Variants in RANGAP1 observed in about 807,000 individuals in gnomAD.
RANGAP1 encodes Ran GTPase activating protein 1, also known as ran GTPase-activating protein 1.
Under a neutral mutation model 63.5 loss-of-function variants are expected in RANGAP1, and 38 were observed. The observed-to-expected ratio is 0.60, with a 90% CI of 0.46 to 0.78. The LOEUF is 0.78. RANGAP1 is among the 30% of genes least tolerant of loss of function. The probability of loss-of-function intolerance (pLI) is 0.00; values close to 1 mark genes in which losing one functional copy is unlikely to be tolerated. For synonymous variants in RANGAP1, 329 were observed against 310.5 expected (o/e 1.06, Z -0.63); for missense variants, 630 against 740.3 (o/e 0.85, Z 1.73).
In RANGAP1 at chr22:41,262,398, C is replaced by T. The variant is rs191390480; in HGVS notation, c.481-818G>A. ...ATGTTTGCAGAGCACCTGCTAGGGC[C>T]TGGGCATCCTTGGCATATTTTCTTG... is the stretch of plus-strand genomic sequence containing the variant. On this transcript the variant is annotated intron_variant, in intron 5 of 15. Coordinates refer to ENST00000356244, the MANE Select transcript of RANGAP1 (RefSeq NM_002883.4). 1.6e-4 allele frequency among the ~76,000 whole-genome samples: 25 copies of T among 152,194 alleles called. No homozygotes were observed. In the East Asian group the frequency reaches 4.6e-3, roughly 28 times the overall value.
chr22:41,251,145 C>A, intron 12 of RANGAP1, 36 bp from the exon 13 acceptor site: 1 of 1,566,426 alleles, frequency 6.4e-7, no homozygotes, highest in South Asian at 1.1e-5. Context: ...GCCTGTGGCA[C>A]GTGGTGGAGA....
intron 15 of RANGAP1, among the ~76,000 whole-genome samples, chr22:41,247,310 C>G (rs1316991207): frequency 6.6e-6 from 1 of 152,130 alleles, no homozygotes; most frequent in Non-Finnish European, 1.5e-5. Flanking sequence ...CCACCTCGGC[C>G]TCCCAAAGTG....
chr22:41,290,156 A>G (rs113419046), upstream of RANGAP1, among the ~76,000 whole-genome samples: 1 of 150,464 alleles, frequency 6.6e-6, no homozygotes, highest in African/African-American at 2.5e-5. Flanking sequence ...AGAAAAAAAA[A>G]AAAGAGAGAG....
chr22:41,261,597 G>A lies in RANGAP1; in HGVS notation c.481-17C>T, dbSNP rs778168351. The A allele has an allele frequency of 3.1e-6, 5 of 1,614,140 alleles. No homozygotes were observed. In the South Asian group the frequency reaches 5.5e-5, roughly 18 times the overall value. On this transcript the variant is annotated splice_polypyrimidine_tract_variant and intron_variant, in intron 5 of 15. Coordinates refer to ENST00000356244, the MANE Select transcript of RANGAP1 (RefSeq NM_002883.4). ...AGCCAGGATCTGTGGGGAAAGGCAAGGGGCCCTGGTCATGGGCAGGAGCCC... is the reference window on the plus strand; with the variant it reads ...AGCCAGGATCTGTGGGGAAAGGCAAAGGGCCCTGGTCATGGGCAGGAGCCC...
the RANGAP1 span, among the ~76,000 whole-genome samples, chr22:41,295,261 G>A: frequency 1.3e-5 from 2 of 151,550 alleles, no homozygotes; most frequent in Non-Finnish European, 2.9e-5. Flanking sequence ...TAGAAAGGGG[G>A]GAAAGGTGGG....
chr22:41,271,472 G>A (rs1025042821), intron 3 of RANGAP1, among the ~76,000 whole-genome samples: 2 of 151,622 alleles, frequency 1.3e-5, no homozygotes, highest in Non-Finnish European at 2.9e-5. Flanking sequence ...CGAGGCGGGC[G>A]GATCACAAGG....
At chr22:41,283,535 CAAA>C (rs2035607006) in intron 1 of RANGAP1, among the ~76,000 whole-genome samples, 1 of 151,846 alleles carries the variant, frequency 6.6e-6, no homozygotes, top group South Asian at 2.1e-4. Flanking sequence ...ACAACAACAA[CAAA>C]AAGGCATTAA....
intron 12 of RANGAP1, among the ~76,000 whole-genome samples, chr22:41,252,194 C>T (rs1302730898): frequency 2.0e-5 from 3 of 151,640 alleles, no homozygotes; most frequent in Admixed American, 6.6e-5. Context: ...TAGCTGGGCG[C>T]GGGAGGCTGA....
At chr22:41,271,913 T>TAG (rs1048024827) in intron 3 of RANGAP1, among the ~76,000 whole-genome samples, 1 of 152,198 alleles carries the variant, frequency 6.6e-6, no homozygotes, top group Admixed American at 6.5e-5. Context: ...GGCTGCTTCC[T>TAG]GCACAGAGGA....
At chr22:41,285,638 G>A in intron 1 of RANGAP1, 1 of 985,410 alleles carries the variant, frequency 1.0e-6, no homozygotes, top group Non-Finnish European at 1.2e-6. Flanking sequence ...AATACAGGCC[G>A]CAAATGATAG....
At chr22:41,260,395 C>T (rs999191456) in intron 6 of RANGAP1, among the ~76,000 whole-genome samples, 5 of 152,128 alleles carry the variant, frequency 3.3e-5, no homozygotes, top group African/African-American at 1.2e-4. Flanking sequence ...TCCCCTGCAG[C>T]CAGGGGTGCA....
chr22:41,252,849 G>C (rs750923023), intron 12 of RANGAP1, 23 bp downstream of exon 12: 2 of 1,557,164 alleles, frequency 1.3e-6, no homozygotes, highest in Non-Finnish European at 8.7e-7. Flanking sequence ...CGTACAGCGT[G>C]GGGGTCGAGG....
chr22:41,281,696 C>T (rs1225267263), intron 1 of RANGAP1: 4 of 929,922 alleles, frequency 4.3e-6, no homozygotes, highest in Non-Finnish European at 5.1e-6. Flanking sequence ...CACATCACAA[C>T]AGCTACCATC....
At chr22:41,274,061 G>C (rs921024062) in intron 3 of RANGAP1, among the ~76,000 whole-genome samples, 7 of 152,232 alleles carry the variant, frequency 4.6e-5, no homozygotes, top group Middle Eastern at 3.2e-3. Context: ...CTGGACGACA[G>C]AGTGAGACTC....
the RANGAP1 span, among the ~76,000 whole-genome samples, chr22:41,291,677 T>C: frequency 6.7e-6 from 1 of 149,508 alleles, no homozygotes; most frequent in Non-Finnish European, 1.5e-5. Flanking sequence ...GGCGGGTGGA[T>C]CACGAGGTCA....
upstream of RANGAP1, among the ~76,000 whole-genome samples, chr22:41,287,084 G>T (rs2179745): frequency 0.044 from 6,725 of 152,282 alleles, 493 homozygotes; most frequent in African/African-American, 0.15. Flanking sequence ...TTAGATAATA[G>T]TATTGTATCA....
rs981390475 is a variant in RANGAP1 at position 41,254,366 on chromosome 22, C to G, written c.1202G>C (p.Arg401Pro). ...EEEEEEEPQQ[R>P]GQGEKSATPS... is the part of the protein sequence containing the mutation. ...CGTGGCTGACTTCTCTCCCTGCCCT[C>G]GCTGCTGAGGCTCTTCTTCCTCCTC... The change falls in exon 11 of 16, where the codon CGA (arginine) becomes CCA (proline). Residue 401 changes from arginine to proline, a missense_variant. By Grantham distance (103) the Arg-to-Pro change is moderately radical (BLOSUM62 -2). Coordinates refer to ENST00000356244, the MANE Select transcript of RANGAP1 (RefSeq NM_002883.4). 1.9e-6 allele frequency: 3 copies of G among 1,614,126 alleles called. No homozygotes were observed. The highest frequency in any genetic ancestry group is 1.7e-5 in the Admixed American group (1 of 60,006).
At chr22:41,289,280 C>G (rs936199503), upstream of RANGAP1, among the ~76,000 whole-genome samples, 1 of 151,884 alleles carries the variant, frequency 6.6e-6, no homozygotes, top group South Asian at 2.1e-4. Context: ...TGAAAAGGAA[C>G]AGGGGGTTTG....
chr22:41,283,569 T>C (rs1437389260), intron 1 of RANGAP1, among the ~76,000 whole-genome samples: 1 of 152,098 alleles, frequency 6.6e-6, no homozygotes, highest in Non-Finnish European at 1.5e-5. Flanking sequence ...AAAAAGGCAT[T>C]ATTAGGAAAT....
Sources: allele counts gnomAD v4.1 joint callset (sites outside exome capture counted in the v4.1 genomes callset), GRCh38; gene constraint gnomAD v4.1.1; transcripts MANE v1.5; gene names NCBI Gene and HGNC (gene_info 2026-07-23, HGNC 2026-07-21).